The following KCNJ6 variants were observed in gnomAD, a reference collection of about 807,000 sequenced individuals.
KCNJ6 encodes the protein potassium inwardly rectifying channel subfamily J member 6.
Under a neutral mutation model 34.2 loss-of-function variants are expected in KCNJ6, and 9 were observed. That is an observed-to-expected ratio of 0.26 (90% CI 0.16 to 0.46). The LOEUF (loss-of-function observed/expected upper bound fraction) is 0.46. KCNJ6 is among the 20% of genes least tolerant of loss of function. KCNJ6 has a pLI of 1.00. For synonymous variants in KCNJ6, 196 were observed against 207.1 expected (o/e 0.95, Z 0.46); for missense variants, 236 against 531.3 (o/e 0.44, Z 5.46).
At chr21:37,738,742 T>G (rs189002047) in intron 2 of KCNJ6, among the ~76,000 whole-genome samples, 1 of 152,274 alleles carries the variant, frequency 6.6e-6, no homozygotes, top group Non-Finnish European at 1.5e-5. Flanking sequence ...CAGAAGAGAT[T>G]TGGTTTGTGT....
At chr21:37,808,027 T>C (rs1462803480) in intron 2 of KCNJ6, among the ~76,000 whole-genome samples, 1 of 152,230 alleles carries the variant, frequency 6.6e-6, no homozygotes, top group Non-Finnish European at 1.5e-5. Context: ...TGGCCAATTG[T>C]GACCCTCTCT....
At chr21:37,694,582 C>T (rs563651593) in intron 3 of KCNJ6, among the ~76,000 whole-genome samples, 10 of 152,106 alleles carry the variant, frequency 6.6e-5, no homozygotes, top group Non-Finnish European at 1.2e-4. Context: ...AGCGGTGTGT[C>T]GGGGAACTTA....
rs151001935 is a variant in KCNJ6, at chr21:37,840,241, C to T, written c.25+417G>A. Among the ~76,000 whole-genome samples, 665 of 152,302 alleles carry T rather than the reference C, an allele frequency of 4.4e-3. 7 individuals are homozygous for T. The highest frequency in any genetic ancestry group is 0.015 in the African/African-American group (637 of 41,564). ...AATAGTTCTGTCTGAAATTTCTGAACGACACCTGAAAGGTTTAACAATGAT... is the reference window on the plus strand; with the variant it reads ...AATAGTTCTGTCTGAAATTTCTGAATGACACCTGAAAGGTTTAACAATGAT... On this transcript the variant is annotated intron_variant, in intron 2 of 3. Transcript: ENST00000609713.
chr21:37,731,255 T>C (rs1243961862), intron 2 of KCNJ6, among the ~76,000 whole-genome samples: 1 of 152,046 alleles, frequency 6.6e-6, no homozygotes, highest in African/African-American at 2.4e-5. Context: ...GAGTGAAAGA[T>C]TTAAGGGGCT....
At chr21:37,700,846 G>C (rs1185969033) in intron 3 of KCNJ6, among the ~76,000 whole-genome samples, 1 of 152,130 alleles carries the variant, frequency 6.6e-6, no homozygotes, top group Non-Finnish European at 1.5e-5. Context: ...GTGTCTTGAG[G>C]AGGGATGCCT....
At chr21:37,772,973 T>C (rs564342022) in intron 2 of KCNJ6, among the ~76,000 whole-genome samples, 17 of 152,344 alleles carry the variant, frequency 1.1e-4, no homozygotes, top group African/African-American at 3.8e-4. Context: ...GTCTTTTTCA[T>C]ATGGAATACA....
chr21:37,795,462 G>A (rs545748501), intron 2 of KCNJ6, among the ~76,000 whole-genome samples: 74 of 152,232 alleles, frequency 4.9e-4, no homozygotes, highest in Admixed American at 1.3e-3. Flanking sequence ...GCCACATAGA[G>A]GGCTGGACAT....
intron 1 of KCNJ6, among the ~76,000 whole-genome samples, chr21:37,915,489 G>C (rs1280519955): frequency 6.6e-6 from 1 of 152,124 alleles, no homozygotes; most frequent in Non-Finnish European, 1.5e-5. Flanking sequence ...CTTCCACAAA[G>C]ACAATAGGCT....
intron 2 of KCNJ6, among the ~76,000 whole-genome samples, chr21:37,761,616 TTG>T (rs1364245605): frequency 1.4e-5 from 2 of 146,946 alleles, no homozygotes; most frequent in Non-Finnish European, 3.0e-5. Context: ...TATGTAGTAT[TTG>T]TGTATGTGTT....
intron 3 of KCNJ6, among the ~76,000 whole-genome samples, chr21:37,710,808 C>G (rs1436370334): frequency 6.6e-6 from 1 of 152,240 alleles, no homozygotes; most frequent in East Asian, 1.9e-4. Context: ...GTAAACACCA[C>G]TATCTCAAAA....
chr21:37,827,230 GAAGC>G (rs1568863124), intron 2 of KCNJ6, among the ~76,000 whole-genome samples: 1 of 152,164 alleles, frequency 6.6e-6, no homozygotes, highest in East Asian at 1.9e-4. Flanking sequence ...GTGAGTCCAG[GAAGC>G]AATCACCCTC....
At chr21:37,799,377 G>A (rs1601477312) in intron 2 of KCNJ6, among the ~76,000 whole-genome samples, 1 of 152,330 alleles carries the variant, frequency 6.6e-6, no homozygotes, top group Middle Eastern at 3.4e-3. Flanking sequence ...AAGGGAGGAT[G>A]AAAGGCGGGA....
intron 3 of KCNJ6, among the ~76,000 whole-genome samples, chr21:37,677,563 A>G (rs538998865): frequency 2.0e-5 from 3 of 152,004 alleles, no homozygotes; most frequent in South Asian, 4.2e-4. Flanking sequence ...TTTATGTTTC[A>G]TATGAGTTCA....
intron 2 of KCNJ6, among the ~76,000 whole-genome samples, chr21:37,828,293 A>G (rs2123561860): frequency 6.6e-6 from 1 of 152,226 alleles, no homozygotes; most frequent in East Asian, 1.9e-4. Context: ...GGACGCCTTG[A>G]CTTTTTCCTC....
chr21:37,674,581 T>C (rs1016561729), intron 3 of KCNJ6, among the ~76,000 whole-genome samples: 5 of 151,150 alleles, frequency 3.3e-5, no homozygotes, highest in African/African-American at 9.8e-5. Context: ...GGCCTTTGCA[T>C]GCAGGTCCTC....
At position 37,607,483 on chromosome 21, in the gene KCNJ6, T is replaced by TATATATATATATATATATATA. The variant is rs201127739; in HGVS notation, c.*17675_*17676insTATATATATATATATATATAT. 5.5e-4 allele frequency: 51 copies of TATATATATATATATATATATA among 92,096 alleles called. No homozygotes were observed. The highest frequency in any genetic ancestry group is 1.2e-3 in the South Asian group (3 of 2,608). 5.7% of individuals were successfully genotyped at this position (92,096 alleles called of 1,614,324 possible). A position where few individuals can be genotyped will look rare whatever the true frequency, so the allele number is the denominator to read the frequency against. ...TTAAAGATATATATATATATATATA[T>TATATATATATATATATATATA]TTTTTTTTTATTTTAAAAAAATTTG... On this transcript the variant is annotated 3_prime_UTR_variant, in exon 4 of 4. Transcript: ENST00000609713.
intron 2 of KCNJ6, among the ~76,000 whole-genome samples, chr21:37,718,914 G>T (rs1166374648): frequency 6.6e-6 from 1 of 152,334 alleles, no homozygotes; most frequent in South Asian, 2.1e-4. Flanking sequence ...TGTTTGGAAG[G>T]TGGCTCCGGT....
intron 2 of KCNJ6, among the ~76,000 whole-genome samples, chr21:37,718,977 ATGGGGAGG>A (rs940116709): frequency 3.9e-5 from 6 of 152,102 alleles, no homozygotes; most frequent in African/African-American, 1.4e-4. Flanking sequence ...CCATGGGGAG[ATGGGGAGG>A]GAAGGCTGGG....
intron 3 of KCNJ6, among the ~76,000 whole-genome samples, chr21:37,632,809 A>G (rs914907103): frequency 1.3e-5 from 2 of 152,296 alleles, no homozygotes; most frequent in East Asian, 3.9e-4. Context: ...TAAAAAGCAG[A>G]GATACCTTAT....
Sources: allele counts gnomAD v4.1 joint callset (sites outside exome capture counted in the v4.1 genomes callset), GRCh38; gene constraint gnomAD v4.1.1; transcripts MANE v1.5; gene names NCBI Gene and HGNC (gene_info 2026-07-23, HGNC 2026-07-21).